The following ZNF44 variants were observed in gnomAD, a reference collection of about 807,000 sequenced individuals.
ZNF44 encodes the protein zinc finger protein 44.
Under a neutral mutation model 11.7 loss-of-function variants are expected in ZNF44, and 9 were observed. That is an observed-to-expected ratio of 0.77 (90% CI 0.46 to 1.35). The LOEUF (loss-of-function observed/expected upper bound fraction) is 1.35, where lower values mean the gene tolerates loss of function less well. ZNF44 is among the 40% of genes most tolerant of loss of function. ZNF44 has a pLI of 0.00. For missense variants in ZNF44, 696 were observed against 743.1 expected, an observed-to-expected ratio of 0.94 and a Z score of 0.74; for synonymous variants, 224 against 242.7, an observed-to-expected ratio of 0.92 and a Z score of 0.72.
At position 12,272,289 on chromosome 19, in the gene ZNF44, C is replaced by G; in HGVS notation, c.*118G>C. On this transcript the variant is annotated 3_prime_UTR_variant, in exon 4 of 4. Coordinates refer to ENST00000355684, the MANE Select transcript of ZNF44 (RefSeq NM_016264.4). Reference sequence around the variant, plus strand: ...AAGTGCTGGGATTACAGGTGTGAGCCGCTGCGCCCAGCCTGGAAACTTCTT... The same window carrying G: ...AAGTGCTGGGATTACAGGTGTGAGCGGCTGCGCCCAGCCTGGAAACTTCTT... 1 of 1,375,314 alleles carries G rather than the reference C, an allele frequency of 7.3e-7. No homozygotes were observed. The highest frequency in any genetic ancestry group is 1.9e-5 in the South Asian group (1 of 52,166). 85.2% of individuals were successfully genotyped at this position (1,375,314 alleles called of 1,614,324 possible).
chr19:12,263,445 C>T (rs1239076192), intron 5 of ZNF44, among the ~76,000 whole-genome samples: 2 of 152,000 alleles, frequency 1.3e-5, no homozygotes, highest in Non-Finnish European at 2.9e-5. Context: ...ACTTTCTCAA[C>T]ATGTAAATAT....
At chr19:12,244,332 A>G (rs1916710787), downstream of ZNF44, among the ~76,000 whole-genome samples, 1 of 152,196 alleles carries the variant, frequency 6.6e-6, no homozygotes, top group Non-Finnish European at 1.5e-5. Context: ...TCCAACTTGT[A>G]ATAGACTTTG....
At chr19:12,288,803 T>C (rs1967878121) in intron 1 of ZNF44, among the ~76,000 whole-genome samples, 1 of 108,334 alleles carries the variant, frequency 9.2e-6, no homozygotes, top group African/African-American at 3.2e-5. Flanking sequence ...TATATATATA[T>C]ATGAAATCAC....
chr19:12,245,902 C>A (rs969092726), downstream of ZNF44, among the ~76,000 whole-genome samples: 1 of 152,154 alleles, frequency 6.6e-6, no homozygotes, highest in African/African-American at 2.4e-5. Context: ...GCCTGTTTTC[C>A]TGATACTTTG....
chr19:12,262,171 C>CA (rs1235742208), intron 5 of ZNF44, among the ~76,000 whole-genome samples: 1 of 152,128 alleles, frequency 6.6e-6, no homozygotes, highest in Admixed American at 6.6e-5. Flanking sequence ...AAAAAAGTCT[C>CA]AAAGATTACA....
chr19:12,273,482 C>G lies in ZNF44; in HGVS notation c.773G>C (p.Cys258Ser), dbSNP rs1967066742. The change falls in exon 4 of 4, where the codon TGT becomes TCT. Residue 258 changes from cysteine (C) to serine (S), a missense_variant. Coordinates refer to ENST00000355684, the MANE Select transcript of ZNF44 (RefSeq NM_016264.4). Reference protein sequence around the residue: ...TGEKPYECKQCSKAFPDYSSY... With the variant: ...TGEKPYECKQSSKAFPDYSSY... ...ACTGTAATCAGGGAAGGCTTTAGAA[C>G]ACTGCTTACATTCATACGGTTTCTC... is the stretch of plus-strand genomic sequence containing the variant. 1 of 1,614,096 alleles carries G rather than the reference C, an allele frequency of 6.2e-7. No individual in the cohort carries two copies.
intron 2 of ZNF44, among the ~76,000 whole-genome samples, chr19:12,234,061 T>TA (rs76369228): frequency 0.015 from 1,959 of 133,466 alleles, 11 homozygotes; most frequent in Non-Finnish European, 0.022. Context: ...GACTCTGTCT[T>TA]AAAAAAAAAA....
At chr19:12,284,413 G>A (rs941546986) in intron 1 of ZNF44, 6 of 628,018 alleles carry the variant, frequency 9.6e-6, no homozygotes, top group African/African-American at 7.3e-5. Context: ...AGTGGCTTCC[G>A]CGGAGATTTC....
chr19:12,238,315 C>G (rs574679885), upstream of ZNF44, among the ~76,000 whole-genome samples: 7 of 152,062 alleles, frequency 4.6e-5, no homozygotes, highest in South Asian at 1.5e-3. Flanking sequence ...CATGGTGAAA[C>G]CCCATTCTCT....
exon 1 of ZNF44, chr19:12,237,507 G>A: frequency 6.3e-6 from 1 of 158,008 alleles, no homozygotes; most frequent in Non-Finnish European, 1.4e-5. Flanking sequence ...GATCAGTGCT[G>A]GTCACCACCG....
chr19:12,248,706 G>A, intron 7 of ZNF44: 1 of 1,161,812 alleles, frequency 8.6e-7, no homozygotes, highest in Non-Finnish European at 1.1e-6. Context: ...CACATTAATA[G>A]TTCATTTTTT....
intron 2 of ZNF44, among the ~76,000 whole-genome samples, chr19:12,275,723 T>C (rs1967192582): frequency 6.6e-6 from 1 of 152,230 alleles, no homozygotes; most frequent in Non-Finnish European, 1.5e-5. Flanking sequence ...ATGACATATA[T>C]GTGCTCGTCA....
At chr19:12,263,199 G>A (rs1316742218) in intron 5 of ZNF44, among the ~76,000 whole-genome samples, 1 of 151,590 alleles carries the variant, frequency 6.6e-6, no homozygotes, top group Non-Finnish European at 1.5e-5. Flanking sequence ...CAATTCTCCT[G>A]CCTCAGCCTC....
In ZNF44 at chr19:12,273,227, C is replaced by T. The variant is rs757858676; in HGVS notation, c.1028G>A (p.Gly343Glu). 3 of 1,614,042 alleles carry T rather than the reference C, an allele frequency of 1.9e-6. No individual in the cohort carries two copies. The Admixed American group carries it at 5.0e-5, about 27-fold the overall frequency. The change falls in exon 4 of 4, where the codon GGG (glycine) becomes GAG (glutamate). Residue 343 changes from glycine (G) to glutamate (E), a missense_variant. Gly to Glu is a moderately conservative substitution (Grantham distance 98, BLOSUM62 -2). Transcript: ENST00000355684. ...TGAACCAGGAAAATCAAAGCCTTTC[C>T]CACATATCTTACATTTATGAGGTCC... ...GDGPHKCKIC[G>E]KGFDFPGSAR...
downstream of ZNF44, chr19:12,247,284 G>C: frequency 8.2e-7 from 1 of 1,226,256 alleles, no homozygotes; most frequent in Non-Finnish European, 1.0e-6. Flanking sequence ...TTTCTATTCA[G>C]CGTGCACTTT....
intron 1 of ZNF44, among the ~76,000 whole-genome samples, chr19:12,235,389 A>G (rs1916344632): frequency 6.6e-6 from 1 of 152,106 alleles, no homozygotes; most frequent in Admixed American, 6.5e-5. Context: ...AAACAAAACA[A>G]AACAAAAAAA....
downstream of ZNF44, chr19:12,247,630 T>C (rs552516008): frequency 6.0e-6 from 8 of 1,339,192 alleles, no homozygotes; most frequent in African/African-American, 9.0e-5. Flanking sequence ...GCAGTGTGCA[T>C]CCTTTCATGT....
chr19:12,293,195 A>T, intron 1 of ZNF44: 2 of 1,527,326 alleles, frequency 1.3e-6, no homozygotes, highest in South Asian at 2.4e-5. Context: ...TACAGGAATG[A>T]TATACCAGAA....
At chr19:12,250,818 A>C (rs1468309746) in intron 5 of ZNF44, 9 of 456,318 alleles carry the variant, frequency 2.0e-5, no homozygotes, top group Admixed American at 9.4e-5. Context: ...AAGCATGAGA[A>C]CAAGAGGCAC....
Sources: allele counts gnomAD v4.1 joint callset (sites outside exome capture counted in the v4.1 genomes callset), GRCh38; gene constraint gnomAD v4.1.1; transcripts MANE v1.5; gene names NCBI Gene and HGNC (gene_info 2026-07-23, HGNC 2026-07-21).